The following MSTO1 variants were observed in gnomAD, a reference collection of about 807,000 sequenced individuals.
The protein encoded by MSTO1 is misato mitochondrial distribution and morphology regulator 1, also known as protein misato homolog 1.
MSTO1 carries 24 observed loss-of-function variants against 55.7 expected under a neutral mutation model. The ratio of observed to expected loss-of-function variants is 0.43; its 90% CI spans 0.31 to 0.61. The LOEUF (loss-of-function observed/expected upper bound fraction) is 0.61, where lower values mean the gene tolerates loss of function less well. Ranked by LOEUF, MSTO1 falls within the 20% of genes least tolerant of loss-of-function variation. The pLI, the probability that MSTO1 is intolerant of heterozygous loss-of-function variation, is 0.09. For synonymous variants in MSTO1, 162 were observed against 252.8 expected, an observed-to-expected ratio of 0.64 and a Z score of 3.41; for missense variants, 363 against 625.7, an observed-to-expected ratio of 0.58 and a Z score of 4.48.
the MSTO1 span, among the ~76,000 whole-genome samples, chr1:155,565,608 G>T: frequency 6.6e-6 from 1 of 152,036 alleles, no homozygotes; most frequent in South Asian, 2.1e-4. Flanking sequence ...CATAATTGCT[G>T]TGCTTCAAAG....
the MSTO1 span, among the ~76,000 whole-genome samples, chr1:155,592,001 G>A: frequency 3.3e-5 from 5 of 152,164 alleles, no homozygotes; most frequent in South Asian, 4.1e-4. Context: ...CCACCTTGTG[G>A]CCCTTGAATA....
intron 4 of MSTO1, 81 bp downstream of exon 4, chr1:155,611,372 A>G: frequency 6.2e-7 from 1 of 1,612,934 alleles, no homozygotes; most frequent in Non-Finnish European, 8.5e-7. Context: ...GGGGATTTTA[A>G]TCATTTTAAG....
At chr1:155,613,295 A>C (rs1571258230) in intron 11 of MSTO1, 62 bp downstream of exon 11, 1 of 1,585,160 alleles carries the variant, frequency 6.3e-7, no homozygotes, top group Non-Finnish European at 8.6e-7. Flanking sequence ...ATCTTCCCCT[A>C]ATTTCTCTGG....
upstream of MSTO1, among the ~76,000 whole-genome samples, chr1:155,605,961 T>G (rs895665229): frequency 1.3e-5 from 2 of 152,190 alleles, no homozygotes; most frequent in Admixed American, 6.5e-5. Flanking sequence ...GACAAGAACA[T>G]TAAAGAAAAG....
At chr1:155,602,797 G>A in the MSTO1 span, among the ~76,000 whole-genome samples, 2 of 151,842 alleles carry the variant, frequency 1.3e-5, no homozygotes, top group Non-Finnish European at 2.9e-5. Context: ...ACTTTTCAAG[G>A]TACAGCCTCC....
Position 155,612,752 on chromosome 1 carries a change from C to T in MSTO1, c.967-92C>T. 5.3e-6 allele frequency: 8 copies of T among 1,523,250 alleles called. No individual in the cohort carries two copies. The South Asian group carries it at 7.3e-5, about 14-fold the overall frequency. The allele number at this position is 1,523,250 out of a possible 1,614,324, so 94.4% of individuals were successfully genotyped here. A position where few individuals can be genotyped will look rare whatever the true frequency, so the allele number is the denominator to read the frequency against. ...CCTGGGGTCAAACATACCCCTGATT[C>T]GTCCCCTGGGTCTCTCTGGTGTTAA... On this transcript the variant is annotated intron_variant, in intron 9 of 13. Coordinates refer to ENST00000245564, the MANE Select transcript of MSTO1 (RefSeq NM_018116.4).
chr1:155,612,249 T>C lies in MSTO1; in HGVS notation c.746T>C (p.Leu249Pro), dbSNP rs746264514. The change falls in exon 8 of 14, where the codon CTA (leucine) becomes CCA (proline). Residue 249 changes from leucine to proline, a missense_variant. Coordinates refer to ENST00000245564, the MANE Select transcript of MSTO1 (RefSeq NM_018116.4). ...SGVGAKAAEL[L>P]QDEYSGRGII... ...GTAGGCGCGAAGGCGGCAGAGCTGC[T>C]ACAAGATGAATATTCAGGGCGGGGA... 2 of 1,592,956 alleles carry C rather than the reference T, an allele frequency of 1.3e-6. No homozygotes were observed. The highest frequency in any genetic ancestry group is 3.5e-5 in the Admixed American group (2 of 57,694).
At chr1:155,601,802 T>C in the MSTO1 span, among the ~76,000 whole-genome samples, 1 of 152,144 alleles carries the variant, frequency 6.6e-6, no homozygotes, top group Non-Finnish European at 1.5e-5. Context: ...TCACCCAGGC[T>C]GGAGTGCAGT....
At chr1:155,605,968 A>C (rs536930506), upstream of MSTO1, among the ~76,000 whole-genome samples, 1 of 152,326 alleles carries the variant, frequency 6.6e-6, no homozygotes, top group East Asian at 1.9e-4. Flanking sequence ...ACATTAAAGA[A>C]AAGGAAAATT....
chr1:155,593,390 A>G, the MSTO1 span, among the ~76,000 whole-genome samples: 14 of 152,194 alleles, frequency 9.2e-5, no homozygotes, highest in Admixed American at 2.0e-4. Context: ...GAAGACAAAC[A>G]TGTGTAACGT....
the MSTO1 span, among the ~76,000 whole-genome samples, chr1:155,583,403 T>A: frequency 6.6e-6 from 1 of 151,586 alleles, no homozygotes; most frequent in Non-Finnish European, 1.5e-5. Flanking sequence ...CACGAGGTGG[T>A]TGCACGTGCC....
At chr1:155,579,968 T>C in the MSTO1 span, among the ~76,000 whole-genome samples, 1 of 150,060 alleles carries the variant, frequency 6.7e-6, no homozygotes, top group African/African-American at 2.5e-5. Flanking sequence ...CCCAGCTACT[T>C]GGGAGGCTGA....
At chr1:155,597,951 G>A in the MSTO1 span, among the ~76,000 whole-genome samples, 7 of 151,778 alleles carry the variant, frequency 4.6e-5, no homozygotes, top group African/African-American at 1.5e-4. Flanking sequence ...CCAGTATCTG[G>A]GATTACAGGC....
chr1:155,570,401 T>C, the MSTO1 span, among the ~76,000 whole-genome samples: 2 of 152,192 alleles, frequency 1.3e-5, no homozygotes, highest in South Asian at 4.1e-4. Context: ...GTGCTCCCAT[T>C]GGTCAGTCAT....
chr1:155,574,212 G>T, the MSTO1 span, among the ~76,000 whole-genome samples: 1 of 152,080 alleles, frequency 6.6e-6, no homozygotes, highest in South Asian at 2.1e-4. Flanking sequence ...ACAAAAATTA[G>T]CCAAGTGTAG....
the MSTO1 span, among the ~76,000 whole-genome samples, chr1:155,594,655 T>C: frequency 3.1e-4 from 47 of 152,038 alleles, 1 homozygote; most frequent in African/African-American, 9.4e-4. Flanking sequence ...TCTCACTGCA[T>C]TGCCCATCCT....
chr1:155,612,640 G>C, intron 9 of MSTO1, 70 bp downstream of exon 9: 1 of 1,529,548 alleles, frequency 6.5e-7, no homozygotes, highest in Non-Finnish European at 8.8e-7. Context: ...GTCAGCCGCT[G>C]TCTGTTACTG....
At chr1:155,576,871 C>G in the MSTO1 span, among the ~76,000 whole-genome samples, 4 of 147,898 alleles carry the variant, frequency 2.7e-5, no homozygotes, top group Non-Finnish European at 4.5e-5. Context: ...AAAAATTAGC[C>G]GGGCGTGGTG....
At chr1:155,601,088 G>A in the MSTO1 span, among the ~76,000 whole-genome samples, 1 of 150,856 alleles carries the variant, frequency 6.6e-6, no homozygotes, top group African/African-American at 2.4e-5. Flanking sequence ...CAAAGTGCTG[G>A]GATTATAGGC....
Sources: gnomAD v4.1 joint callset for allele counts (sites outside exome capture counted in the v4.1 genomes callset) on GRCh38, gnomAD v4.1.1 for gene constraint, MANE v1.5 for transcripts, NCBI Gene and HGNC (gene_info 2026-07-23, HGNC 2026-07-21) for gene names.